DLGAP2: variants seen among roughly 807,000 people sequenced by gnomAD.
DLGAP2 encodes the protein DLG associated protein 2.
DLGAP2 carries 26 observed loss-of-function variants against 100.3 expected under a neutral mutation model. That is an observed-to-expected ratio of 0.26 (90% CI 0.19 to 0.36). The LOEUF is 0.36. DLGAP2 is among the 10% of genes least tolerant of loss of function. The pLI is 1.00. For missense variants in DLGAP2, 1,858 were observed against 1,453.2 expected, an observed-to-expected ratio of 1.28 and a Z score of -4.53; for synonymous variants, 886 against 630.1, an observed-to-expected ratio of 1.41 and a Z score of -6.08.
rs117622459 is a variant in DLGAP2, at chr8:1,348,689, A to T, written c.106+89806A>T. On this transcript the variant is annotated intron_variant, in intron 3 of 14. Transcript: ENST00000637795. ...TGTGTGGAGGTTGAGTGCCCAGCAG[A>T]GCTGCATTGCTCTCATGGCCGCTGT... is the stretch of plus-strand genomic sequence containing the variant. 2.6e-5 allele frequency among the ~76,000 whole-genome samples: 4 copies of T among 152,290 alleles called. No homozygotes were observed. In the East Asian group the frequency reaches 7.7e-4, roughly 29 times the overall value.
intron 2 of DLGAP2, among the ~76,000 whole-genome samples, chr8:1,097,689 A>C: frequency 7.8e-6 from 1 of 127,866 alleles, no homozygotes; most frequent in Non-Finnish European, 1.6e-5. Context: ...TGGCATGGAG[A>C]GGTCTCCTCC....
At chr8:788,065 G>A (rs930206876) in intron 1 of DLGAP2, among the ~76,000 whole-genome samples, 2 of 152,338 alleles carry the variant, frequency 1.3e-5, no homozygotes, top group Non-Finnish European at 2.9e-5. Flanking sequence ...CGATGGCACT[G>A]GATCCCTCCC....
At position 912,896 on chromosome 8, in the gene DLGAP2, G is replaced by A. The variant is rs115430365; in HGVS notation, c.73+4930G>A. ...TTCCTCTCTGTGGAGCTGGATCCCCGCACTGTGGTGCCCGCCTTCCTCTCT... is the reference window on the plus strand; with the variant it reads ...TTCCTCTCTGTGGAGCTGGATCCCCACACTGTGGTGCCCGCCTTCCTCTCT... On this transcript the variant is annotated intron_variant, in intron 2 of 14. Coordinates refer to ENST00000637795, the MANE Select transcript of DLGAP2 (RefSeq NM_001346810.2). Among the ~76,000 whole-genome samples, 1,168 of 152,076 alleles carry A rather than the reference G, an allele frequency of 7.7e-3. 13 individuals carry two copies. The highest frequency in any genetic ancestry group is 0.026 in the African/African-American group (1,079 of 41,450).
At chr8:986,922 A>C (rs1476293527) in intron 2 of DLGAP2, among the ~76,000 whole-genome samples, 2 of 152,150 alleles carry the variant, frequency 1.3e-5, no homozygotes. Flanking sequence ...GACCTTCCAG[A>C]GTACTAGGAT....
intron 2 of DLGAP2, among the ~76,000 whole-genome samples, chr8:926,867 C>T (rs1319863680): frequency 6.6e-6 from 1 of 152,256 alleles, no homozygotes; most frequent in South Asian, 2.1e-4. Flanking sequence ...TGGTGGGGCT[C>T]ACAGCACTGC....
At chr8:1,177,417 A>T (rs1797284521) in intron 2 of DLGAP2, among the ~76,000 whole-genome samples, 1 of 151,994 alleles carries the variant, frequency 6.6e-6, no homozygotes, top group Non-Finnish European at 1.5e-5. Context: ...TGTTGTCAGG[A>T]GGCCTCCTGA....
chr8:1,019,000 G>C (rs182600080), intron 2 of DLGAP2: 2 of 152,122 alleles, frequency 1.3e-5, no homozygotes, highest in Non-Finnish European at 2.9e-5. Context: ...TTGTCCACTC[G>C]TCTGACACCG....
chr8:953,699 G>C (rs1034818020), intron 2 of DLGAP2, among the ~76,000 whole-genome samples: 1 of 152,134 alleles, frequency 6.6e-6, no homozygotes, highest in Non-Finnish European at 1.5e-5. Context: ...AAAGTGCCGA[G>C]TGGAGCTGAC....
At chr8:1,342,609 A>C (rs1801443143) in intron 3 of DLGAP2, among the ~76,000 whole-genome samples, 1 of 152,230 alleles carries the variant, frequency 6.6e-6, no homozygotes, top group Non-Finnish European at 1.5e-5. Context: ...CTGGCTGTGC[A>C]CCGTGCTGGC....
At chr8:762,146 A>C (rs78978253) in intron 1 of DLGAP2, among the ~76,000 whole-genome samples, 8,526 of 152,278 alleles carry the variant, frequency 0.056, 448 homozygotes, top group Admixed American at 0.16. Flanking sequence ...TCACGTCTAG[A>C]AAAACAAAAC....
chr8:1,284,310 G>A (rs1466108084), intron 3 of DLGAP2, among the ~76,000 whole-genome samples: 1 of 152,112 alleles, frequency 6.6e-6, no homozygotes, highest in Non-Finnish European at 1.5e-5. Context: ...AGGCCTGTCT[G>A]GATTCTGCTG....
At chr8:1,503,984 A>T (rs924351601) in intron 4 of DLGAP2, among the ~76,000 whole-genome samples, 1 of 152,230 alleles carries the variant, frequency 6.6e-6, no homozygotes, top group African/African-American at 2.4e-5. Flanking sequence ...ACCTGGAGTC[A>T]CAAGATTTGT....
intron 3 of DLGAP2, among the ~76,000 whole-genome samples, chr8:1,419,668 G>C (rs999021415): frequency 6.6e-6 from 1 of 152,168 alleles, no homozygotes; most frequent in Non-Finnish European, 1.5e-5. Flanking sequence ...CTGAGATACT[G>C]TCTCACTCCA....
rs78518078 is a variant in DLGAP2, at chr8:1,551,577, G to A, written c.1230+1894G>A. On this transcript the variant is annotated intron_variant, in intron 5 of 14. Coordinates refer to ENST00000637795, the MANE Select transcript of DLGAP2 (RefSeq NM_001346810.2). ...TCTCTGCCTCCAACAGCTATTCCAC[G>A]GTCTAGGTGCAGGGAATACCAGTCG... Among the ~76,000 whole-genome samples the A allele has an allele frequency of 9.5e-3, 1,447 of 152,174 alleles. 14 individuals carry two copies. The highest frequency in any genetic ancestry group is 0.017 in the African/African-American group (715 of 41,520).
At chr8:1,169,210 C>T (rs1285132961) in intron 2 of DLGAP2, among the ~76,000 whole-genome samples, 3 of 152,140 alleles carry the variant, frequency 2.0e-5, no homozygotes, top group Non-Finnish European at 4.4e-5. Flanking sequence ...GGCGTTATTT[C>T]TGAGGGCTCT....
At position 1,210,320 on chromosome 8, in the gene DLGAP2, A is replaced by T. The variant is rs1024186340; in HGVS notation, c.74-48531A>T. Among the ~76,000 whole-genome samples, 9 of 151,144 alleles carry T rather than the reference A, an allele frequency of 6.0e-5. No individual in the cohort carries two copies. The South Asian group carries it at 1.9e-3, about 32-fold the overall frequency. On this transcript the variant is annotated intron_variant, in intron 2 of 14. Transcript: ENST00000637795. ...TGACAGGGAGGTTTGGTTGTCTGGA[A>T]GGGCATGTGTCCAGGGCCAGATGAA...
chr8:1,115,915 T>C (rs1376696171), intron 2 of DLGAP2, among the ~76,000 whole-genome samples: 2 of 152,202 alleles, frequency 1.3e-5, no homozygotes, highest in African/African-American at 4.8e-5. Flanking sequence ...TGCTCAGTGA[T>C]GGGACATAAT....
At position 892,290 on chromosome 8, in the gene DLGAP2, A is replaced by G. The variant is rs1241060337; in HGVS notation, c.19-15622A>G. Among the ~76,000 whole-genome samples, 5 of 152,222 alleles carry G rather than the reference A, an allele frequency of 3.3e-5. No homozygotes were observed. The East Asian group carries it at 9.6e-4, about 29-fold the overall frequency. Reference sequence around the variant, plus strand: ...CTTGTGCACAGCAGCCAGAGGTGGCAGCAGCTAGCGTGTCCGTCCATGGAT... The same window carrying G: ...CTTGTGCACAGCAGCCAGAGGTGGCGGCAGCTAGCGTGTCCGTCCATGGAT... On this transcript the variant is annotated intron_variant, in intron 1 of 14. Coordinates refer to ENST00000637795, the MANE Select transcript of DLGAP2 (RefSeq NM_001346810.2).
chr8:1,356,979 A>G (rs1000311838), intron 3 of DLGAP2, among the ~76,000 whole-genome samples: 1 of 152,228 alleles, frequency 6.6e-6, no homozygotes, highest in African/African-American at 2.4e-5. Flanking sequence ...GGCTGTGCTC[A>G]TAACCTGGAA....
Sources: gnomAD v4.1 joint callset for allele counts (sites outside exome capture counted in the v4.1 genomes callset) on GRCh38, gnomAD v4.1.1 for gene constraint, MANE v1.5 for transcripts, NCBI Gene and HGNC (gene_info 2026-07-23, HGNC 2026-07-21) for gene names.